Variants in CPA6 observed in about 807,000 individuals in gnomAD.
CPA6 encodes the protein carboxypeptidase A6.
CPA6 carries 58 observed loss-of-function variants against 63.3 expected under a neutral mutation model. The ratio of observed to expected loss-of-function variants is 0.92; its 90% confidence interval spans 0.74 to 1.14. CPA6 has a LOEUF of 1.14. Ranked by LOEUF, CPA6 falls within the 50% of genes most tolerant of loss-of-function variation. The pLI, the probability that CPA6 is intolerant of heterozygous loss-of-function variation, is 0.00. For synonymous variants in CPA6, 185 were observed against 179.0 expected, an observed-to-expected ratio of 1.03 and a Z score of -0.27; for missense variants, 565 against 526.6, an observed-to-expected ratio of 1.07 and a Z score of -0.71.
At chr8:67,728,522 T>G (rs1417282193) in intron 1 of CPA6, among the ~76,000 whole-genome samples, 3 of 152,310 alleles carry the variant, frequency 2.0e-5, no homozygotes, top group East Asian at 1.9e-4. Context: ...ATAGGTAGCA[T>G]CCCAAGTTTT....
At chr8:67,567,472 A>G (rs535808045) in intron 2 of CPA6, among the ~76,000 whole-genome samples, 5 of 152,350 alleles carry the variant, frequency 3.3e-5, no homozygotes, top group African/African-American at 1.2e-4. Context: ...TGCTTTCTTC[A>G]GGACATTTAA....
intron 1 of CPA6, among the ~76,000 whole-genome samples, chr8:67,652,151 C>T (rs922986541): frequency 1.3e-5 from 2 of 152,116 alleles, no homozygotes; most frequent in African/African-American, 2.4e-5. Flanking sequence ...CATTGTTGGA[C>T]ATTTAGGTTG....
intron 1 of CPA6, among the ~76,000 whole-genome samples, chr8:67,697,982 C>A (rs1816942375): frequency 6.6e-6 from 1 of 152,122 alleles, no homozygotes; most frequent in Admixed American, 6.5e-5. Flanking sequence ...AAACGGAATC[C>A]TAAATGACTA....
chr8:67,696,868 C>T (rs1816922058), intron 1 of CPA6, among the ~76,000 whole-genome samples: 1 of 152,086 alleles, frequency 6.6e-6, no homozygotes, highest in Admixed American at 6.5e-5. Flanking sequence ...GGAAAAGGGC[C>T]CTGTGATACT....
At chr8:67,620,763 A>G (rs768604717) in intron 2 of CPA6, among the ~76,000 whole-genome samples, 10 of 152,188 alleles carry the variant, frequency 6.6e-5, no homozygotes, top group Non-Finnish European at 7.3e-5. Flanking sequence ...CAATATCTCC[A>G]ACTTCAATCC....
chr8:67,584,568 C>T (rs1318011056), intron 2 of CPA6, among the ~76,000 whole-genome samples: 1 of 152,012 alleles, frequency 6.6e-6, no homozygotes, highest in African/African-American at 2.4e-5. Flanking sequence ...GTAGTAACAG[C>T]CCCCAGACAT....
At chr8:67,620,559 A>G (rs988347763) in intron 2 of CPA6, among the ~76,000 whole-genome samples, 4 of 152,350 alleles carry the variant, frequency 2.6e-5, no homozygotes, top group Admixed American at 1.3e-4. Flanking sequence ...AGCAATGCCC[A>G]TAATTCTGTC....
intron 1 of CPA6, among the ~76,000 whole-genome samples, chr8:67,744,837 C>T (rs983023776): frequency 2.8e-4 from 43 of 152,180 alleles, no homozygotes; most frequent in African/African-American, 8.9e-4. Context: ...TGGAAAAATC[C>T]GTGATCATAT....
chr8:67,476,747 T>C (rs1587471252), intron 8 of CPA6, among the ~76,000 whole-genome samples: 1 of 152,196 alleles, frequency 6.6e-6, no homozygotes, highest in Admixed American at 6.5e-5. Flanking sequence ...TCAGTCAGAT[T>C]TGACTTTTCA....
intron 9 of CPA6, among the ~76,000 whole-genome samples, chr8:67,428,541 T>A (rs987740333): frequency 6.6e-6 from 1 of 152,144 alleles, no homozygotes; most frequent in Non-Finnish European, 1.5e-5. Context: ...TGGAGTGCAA[T>A]GGCGCGATCT....
At chr8:67,433,281 G>A (rs1046443192) in intron 9 of CPA6, among the ~76,000 whole-genome samples, 1 of 152,156 alleles carries the variant, frequency 6.6e-6, no homozygotes, top group Non-Finnish European at 1.5e-5. Context: ...AGTACCACCT[G>A]ACTTCTAGCA....
intron 1 of CPA6, among the ~76,000 whole-genome samples, chr8:67,640,535 G>A (rs1327902619): frequency 6.6e-6 from 1 of 151,406 alleles, no homozygotes; most frequent in Admixed American, 6.6e-5. Context: ...CAGGCCCCCA[G>A]GAGTGTAGAG....
chr8:67,486,801 G>A (rs1587482458), intron 6 of CPA6, among the ~76,000 whole-genome samples: 1 of 152,182 alleles, frequency 6.6e-6, no homozygotes, highest in Middle Eastern at 3.4e-3. Flanking sequence ...GATACACTAA[G>A]AAAGATATAT....
At chr8:67,603,564 G>A (rs1236040880) in intron 2 of CPA6, among the ~76,000 whole-genome samples, 1 of 152,142 alleles carries the variant, frequency 6.6e-6, no homozygotes, top group Non-Finnish European at 1.5e-5. Context: ...GAAAAAAGTT[G>A]AAGACAGTTA....
intron 1 of CPA6, among the ~76,000 whole-genome samples, chr8:67,690,483 T>C (rs1277746754): frequency 2.0e-5 from 3 of 152,220 alleles, no homozygotes; most frequent in African/African-American, 4.8e-5. Flanking sequence ...CAGTCACACA[T>C]TCAAATCAGC....
At chr8:67,691,014 G>A (rs957771788) in intron 1 of CPA6, among the ~76,000 whole-genome samples, 1 of 152,170 alleles carries the variant, frequency 6.6e-6, no homozygotes, top group Non-Finnish European at 1.5e-5. Flanking sequence ...GGCATTCCCT[G>A]ACGGAAAACT....
intron 2 of CPA6, among the ~76,000 whole-genome samples, chr8:67,575,242 T>C (rs1813593226): frequency 6.6e-6 from 1 of 152,158 alleles, no homozygotes; most frequent in Non-Finnish European, 1.5e-5. Flanking sequence ...ATAACAAGTG[T>C]TGGCTAGGGT....
intron 2 of CPA6, among the ~76,000 whole-genome samples, chr8:67,546,284 C>A (rs1225908060): frequency 4.6e-5 from 7 of 152,138 alleles, no homozygotes; most frequent in Non-Finnish European, 1.0e-4. Flanking sequence ...AAATCTGCCC[C>A]TGAATTATTG....
chr8:67,429,292 A>G (rs527941642), intron 9 of CPA6, among the ~76,000 whole-genome samples: 3 of 152,378 alleles, frequency 2.0e-5, no homozygotes, highest in Non-Finnish European at 4.4e-5. Context: ...TCCTTTAAAT[A>G]TGGTATAAAA....
Sources: gnomAD v4.1 joint callset for allele counts (sites outside exome capture counted in the v4.1 genomes callset) on GRCh38, gnomAD v4.1.1 for gene constraint, MANE v1.5 for transcripts, NCBI Gene and HGNC (gene_info 2026-07-23, HGNC 2026-07-21) for gene names.